Variants in STON1 observed in about 807,000 individuals in gnomAD.
The protein encoded by STON1 is stonin 1, also known as stonin-1.
In STON1, 79 loss-of-function variants were observed where a neutral mutation model predicts 60.9. The observed-to-expected ratio is 1.30, with a 90% confidence interval of 1.08 to 1.56. STON1 has a LOEUF of 1.56. STON1 is among the 40% of genes most tolerant of loss of function. The pLI, the probability that STON1 is intolerant of heterozygous loss-of-function variation, is 0.00. For synonymous variants in STON1, 363 were observed against 306.9 expected, an observed-to-expected ratio of 1.18 and a Z score of -1.91; for missense variants, 1,166 against 858.9, an observed-to-expected ratio of 1.36 and a Z score of -4.47.
chr2:48,586,833 T>C (rs1674233989), intron 2 of STON1, among the ~76,000 whole-genome samples: 1 of 151,790 alleles, frequency 6.6e-6, no homozygotes, highest in South Asian at 2.1e-4. Flanking sequence ...GAGGTAAGGG[T>C]TGCTGAGCAA....
Position 48,564,584 on chromosome 2 carries a change from C to CTCCTT in STON1, c.-47-16003_-47-16002insTCCTT. Among the ~76,000 whole-genome samples, 109 of 42,352 alleles carry CTCCTT rather than the reference C, an allele frequency of 2.6e-3. 27 individuals carry two copies. The highest frequency in any genetic ancestry group is 7.4e-3 in the African/African-American group (90 of 12,140). The allele number at this position is 42,352 out of a possible 152,430, so 27.8% of individuals were successfully genotyped here. A position where few individuals can be genotyped will look rare whatever the true frequency, so the allele number is the denominator to read the frequency against. ...TTCTTCTTCTCCTTCTCCTTCTCCT[C>CTCCTT]CTCCTCCTCCTCCTCCTCCTTCTCC... On this transcript the variant is annotated intron_variant, in intron 1 of 3. Transcript: ENST00000404752.
At chr2:48,576,213 G>C (rs1476710995) in intron 1 of STON1, among the ~76,000 whole-genome samples, 1 of 33,712 alleles carries the variant, frequency 3.0e-5, no homozygotes, top group Admixed American at 4.5e-4. Context: ...TTTTTTTTGA[G>C]ACAGAGTCTC....
At chr2:48,594,133 TC>T (rs1674674368) in intron 3 of STON1, among the ~76,000 whole-genome samples, 2 of 152,046 alleles carry the variant, frequency 1.3e-5, no homozygotes, top group Non-Finnish European at 1.5e-5. Flanking sequence ...CCTGCCTCAC[TC>T]CCCCATGAAT....
rs142846683 is a variant in STON1, at chr2:48,582,233, G to A, written c.1600G>A (p.Val534Met). Residue 534 changes from valine to methionine, a missense_variant, in exon 2 of 4, where the codon GTG becomes ATG. Physicochemically the swap from Val to Met is conservative, Grantham distance 21. Coordinates refer to ENST00000404752, the MANE Select transcript of STON1 (RefSeq NM_006873.4). ...TCTTCCCTTTTCCTTGAAGTCTGTA[G>A]TGGTTGTCCAGGGAGCATACGTGGA... ...DNLPFSLKSV[V>M]VVQGAYVELQ... is the part of the protein sequence containing the mutation. 1.2e-6 allele frequency: 2 copies of A among 1,614,214 alleles called. No individual in the cohort carries two copies. The highest frequency in any genetic ancestry group is 2.2e-5 in the South Asian group (2 of 91,080).
chr2:48,538,575 A>G (rs183845218), intron 1 of STON1, among the ~76,000 whole-genome samples: 1 of 151,426 alleles, frequency 6.6e-6, no homozygotes, highest in African/African-American at 2.4e-5. Context: ...TACCTTTCCT[A>G]TGGTGCTGAG....
chr2:48,560,174 C>A (rs1175274751), intron 1 of STON1, among the ~76,000 whole-genome samples: 1 of 152,128 alleles, frequency 6.6e-6, no homozygotes. Flanking sequence ...TTTTATAGTT[C>A]TTTAAACTTC....
In STON1 at chr2:48,581,794, T is replaced by C. The variant is rs559568413; in HGVS notation, c.1161T>C (p.Leu387=). The change falls in exon 2 of 4, where the codon CTT becomes CTC. Residue 387 remains leucine, a synonymous_variant. Coordinates refer to ENST00000404752, the MANE Select transcript of STON1 (RefSeq NM_006873.4). The part of the protein sequence containing the change: ...KLGSTSYHDF[L]DFLTTVEEEL... ...GGTCCACATCGTACCATGACTTCCTTGACTTTCTGACTACTGTGGAGGAGG... is the reference window on the plus strand; with the variant it reads ...GGTCCACATCGTACCATGACTTCCTCGACTTTCTGACTACTGTGGAGGAGG... 7.4e-6 allele frequency: 12 copies of C among 1,614,172 alleles called. No homozygotes were observed. The African/African-American group carries it at 1.5e-4, about 20-fold the overall frequency.
intron 1 of STON1, among the ~76,000 whole-genome samples, chr2:48,564,388 C>CCAGTGG (rs1672735799): frequency 6.7e-6 from 1 of 150,266 alleles, no homozygotes; most frequent in Non-Finnish European, 1.5e-5. Context: ...GCTAGGTCCT[C>CCAGTGG]CAGTGGCAGT....
chr2:48,564,590 C>T (rs533738745), intron 1 of STON1, among the ~76,000 whole-genome samples: 7,381 of 40,572 alleles, frequency 0.18, 1,959 homozygotes, highest in Non-Finnish European at 0.24. Flanking sequence ...TCCTCCTCCT[C>T]CTCCTCCTCC....
chr2:48,543,050 C>T (rs773770156), intron 1 of STON1, among the ~76,000 whole-genome samples: 5 of 147,968 alleles, frequency 3.4e-5, no homozygotes, highest in Non-Finnish European at 5.9e-5. Context: ...TCTCCACTCA[C>T]TGTAACCTCT....
At chr2:48,558,450 G>A (rs779422221) in intron 1 of STON1, among the ~76,000 whole-genome samples, 28 of 152,154 alleles carry the variant, frequency 1.8e-4, no homozygotes, top group Admixed American at 3.3e-4. Context: ...ACTGGCCATG[G>A]ACAAACCAAT....
chr2:48,559,856 AC>A (rs1446535767), intron 1 of STON1, among the ~76,000 whole-genome samples: 1 of 152,128 alleles, frequency 6.6e-6, no homozygotes, highest in Non-Finnish European at 1.5e-5. Context: ...TTGTACCAGA[AC>A]CTTTGGCCAA....
At chr2:48,556,999 G>A (rs866338427) in intron 1 of STON1, among the ~76,000 whole-genome samples, 1 of 74,006 alleles carries the variant, frequency 1.4e-5, no homozygotes, top group African/African-American at 5.0e-5. Context: ...CCTCCTGGAC[G>A]GCACGGCTGC....
intron 1 of STON1, among the ~76,000 whole-genome samples, chr2:48,550,705 A>G (rs1672068133): frequency 6.6e-6 from 1 of 151,636 alleles, no homozygotes; most frequent in Admixed American, 6.6e-5. Context: ...GGTTAGCTCA[A>G]AGTCCAAAGT....
Position 48,595,756 on chromosome 2 carries a change from C to G in STON1, c.*454C>G, listed in dbSNP as rs934168399. 3.1e-5 allele frequency: 5 copies of G among 163,792 alleles called. No individual in the cohort carries two copies. The highest frequency in any genetic ancestry group is 1.2e-4 in the African/African-American group (5 of 41,480). The allele number at this position is 163,792 out of a possible 1,614,324, so 10.1% of individuals were successfully genotyped here. The stretch of plus-strand genomic sequence containing the variant: ...ATAGTTAATTTTCCCTCTTTCTTGC[C>G]TCTGAAATGTGGCTAGGTGTAGAAT... On this transcript the variant is annotated 3_prime_UTR_variant, in exon 4 of 4. Coordinates refer to ENST00000404752, the MANE Select transcript of STON1 (RefSeq NM_006873.4).
intron 1 of STON1, among the ~76,000 whole-genome samples, chr2:48,571,891 A>G (rs1220762706): frequency 6.6e-6 from 1 of 152,226 alleles, no homozygotes; most frequent in East Asian, 1.9e-4. Context: ...TAGGCTGGGC[A>G]CGGTGGCTCA....
At chr2:48,562,009 C>T (rs930312167) in intron 1 of STON1, among the ~76,000 whole-genome samples, 12 of 152,216 alleles carry the variant, frequency 7.9e-5, no homozygotes, top group East Asian at 3.9e-4. Context: ...TACAGGCGTG[C>T]GCCACCACGC....
intron 1 of STON1, among the ~76,000 whole-genome samples, chr2:48,561,829 G>A (rs755215949): frequency 4.6e-5 from 7 of 152,004 alleles, no homozygotes; most frequent in African/African-American, 9.7e-5. Flanking sequence ...CCTTTCAGTC[G>A]TCAGCCACAT....
chr2:48,582,303 C>A lies in STON1; in HGVS notation c.1670C>A (p.Ser557Tyr). 6.2e-7 allele frequency: 1 copy of A among 1,614,198 alleles called. No homozygotes were observed. Among genetic ancestry groups the A allele is most frequent in the Non-Finnish European group, 8.5e-7 (1 of 1,180,038 alleles). Residue 557 changes from serine to tyrosine, a missense_variant, in exon 2 of 4, where the codon TCC becomes TAC. Physicochemically the swap from Ser to Tyr is moderately radical, Grantham distance 144. Coordinates refer to ENST00000404752, the MANE Select transcript of STON1 (RefSeq NM_006873.4). ...VNMASLAQRS[S>Y]YAGSLRSCDN... ...ATGGCCTCATTGGCGCAGAGGTCAT[C>A]CTATGCTGGTTCCTTAAGGTCCTGT...
Sources: allele counts gnomAD v4.1 joint callset (sites outside exome capture counted in the v4.1 genomes callset), GRCh38; gene constraint gnomAD v4.1.1; transcripts MANE v1.5; gene names NCBI Gene and HGNC (gene_info 2026-07-23, HGNC 2026-07-21).